The following WDFY3 variants were observed in gnomAD, a reference collection of about 807,000 sequenced individuals.
The protein encoded by WDFY3 is WD repeat and FYVE domain-containing protein 3.
A neutral mutation model predicts 409.6 loss-of-function variants in WDFY3; 66 were observed. The observed-to-expected ratio is 0.16, with a 90% CI of 0.13 to 0.20. WDFY3 has a LOEUF of 0.20. Ranked by LOEUF, WDFY3 falls within the 10% of genes least tolerant of loss-of-function variation. The pLI is 1.00. For missense variants in WDFY3, 3,031 were observed against 4,298.1 expected, an observed-to-expected ratio of 0.71 and a Z score of 8.24; for synonymous variants, 1,521 against 1,537.1, an observed-to-expected ratio of 0.99 and a Z score of 0.25.
At chr4:84,848,708 G>A (rs1003929800) in intron 5 of WDFY3, among the ~76,000 whole-genome samples, 1 of 152,132 alleles carries the variant, frequency 6.6e-6, no homozygotes, top group Non-Finnish European at 1.5e-5. Context: ...TAGGAATGGA[G>A]AACAATGGGG....
chr4:84,808,520 T>G, intron 14 of WDFY3, 103 bp from the exon 15 acceptor site: 1 of 863,288 alleles, frequency 1.2e-6, no homozygotes, highest in East Asian at 2.5e-5. Flanking sequence ...AAAAGTTTAA[T>G]AAGGAACATC....
chr4:84,901,715 A>G (rs886685460), intron 2 of WDFY3, among the ~76,000 whole-genome samples: 4 of 152,180 alleles, frequency 2.6e-5, no homozygotes, highest in Non-Finnish European at 5.9e-5. Flanking sequence ...AAAAATTTAG[A>G]GCAAATAATA....
At chr4:84,905,376 T>C (rs1766906307) in intron 2 of WDFY3, among the ~76,000 whole-genome samples, 1 of 152,026 alleles carries the variant, frequency 6.6e-6, no homozygotes, top group South Asian at 2.1e-4. Context: ...GACTTCCCTT[T>C]TCACTGACCT....
intron 1 of WDFY3, among the ~76,000 whole-genome samples, chr4:84,960,287 T>C (rs918249562): frequency 1.3e-5 from 2 of 152,174 alleles, no homozygotes; most frequent in African/African-American, 4.8e-5. Flanking sequence ...ATGAAGACAA[T>C]GCTTCCTCCT....
chr4:84,704,417 G>T lies in WDFY3; in HGVS notation c.8363C>A (p.Thr2788Asn). ...CACAATCATTGCAGATGAATAGTGGGTCCCATAGTGGTATGCAGGAGTTTC... is the reference window on the plus strand; with the variant it reads ...CACAATCATTGCAGATGAATAGTGGTTCCCATAGTGGTATGCAGGAGTTTC... ...NGETPAYHYG[T>N]HYSSAMIVAS... The change falls in exon 55 of 68, where the codon ACC becomes AAC. Residue 2788 changes from threonine to asparagine, a missense_variant. Thr to Asn is a moderately conservative substitution (Grantham distance 65). Around this residue, in one of 16 missense-constraint regions of WDFY3, gnomAD observed 129 missense variants for 305.3 expected, o/e 0.42. Transcript: ENST00000295888. 1 of 1,612,250 alleles carries T rather than the reference G, an allele frequency of 6.2e-7. No individual in the cohort carries two copies. Among genetic ancestry groups the T allele is most frequent in the Non-Finnish European group, 8.5e-7 (1 of 1,179,148 alleles).
In WDFY3 at chr4:84,809,643, A is replaced by G. The variant is rs78988124; in HGVS notation, c.2345+244T>C. ...AGGAAACTTCATAGAAACTGTTCCA[A>G]TAACTGCAATGAGAACTAATTGAAC... On this transcript the variant is annotated intron_variant, in intron 14 of 67. Coordinates refer to ENST00000295888, the MANE Select transcript of WDFY3 (RefSeq NM_014991.6). 3.3e-3 allele frequency: 1,277 copies of G among 387,254 alleles called. 13 individuals carry two copies. Among genetic ancestry groups the G allele is most frequent in the African/African-American group, 0.024 (1,149 of 47,710 alleles). The allele number at this position is 387,254 out of a possible 1,614,324, so 24.0% of individuals were successfully genotyped here.
Position 84,754,731 on chromosome 4 carries a change from CTTGTA to C in WDFY3, c.5559+530_5559+534del, listed in dbSNP as rs371934165. Among the ~76,000 whole-genome samples, 8 of 152,214 alleles carry C rather than the reference CTTGTA, an allele frequency of 5.3e-5. No homozygotes were observed. The South Asian group carries it at 1.0e-3, about 20-fold the overall frequency. Reference sequence around the variant, plus strand: ...AAAGCAAAAACAAAATCAAATGAAACTTGTATTGTTAACATTTCTGACCTCTAAAT... The same window carrying C: ...AAAGCAAAAACAAAATCAAATGAAACTTGTTAACATTTCTGACCTCTAAAT... On this transcript the variant is annotated intron_variant, in intron 34 of 67. Coordinates refer to ENST00000295888, the MANE Select transcript of WDFY3 (RefSeq NM_014991.6).
chr4:84,934,915 T>C (rs147280413), intron 1 of WDFY3, among the ~76,000 whole-genome samples: 135 of 152,252 alleles, frequency 8.9e-4, no homozygotes, highest in African/African-American at 3.1e-3. Context: ...TCCTGAACAA[T>C]ATAGTGTTCC....
chr4:84,863,509 T>C (rs1760949898), intron 3 of WDFY3, among the ~76,000 whole-genome samples: 1 of 152,184 alleles, frequency 6.6e-6, no homozygotes, highest in Non-Finnish European at 1.5e-5. Flanking sequence ...CTATTAGATA[T>C]TTGCATGTCT....
chr4:84,773,784 G>A (rs750360475), intron 29 of WDFY3, among the ~76,000 whole-genome samples: 1 of 152,230 alleles, frequency 6.6e-6, no homozygotes. Context: ...GCAGTGGTGC[G>A]ATCTTGGCTC....
intron 13 of WDFY3, among the ~76,000 whole-genome samples, chr4:84,812,708 G>A (rs1456531019): frequency 6.6e-6 from 1 of 152,064 alleles, no homozygotes; most frequent in African/African-American, 2.4e-5. Flanking sequence ...TTATGACTGA[G>A]GTTAGAAAAA....
chr4:84,947,026 C>G (rs1313649151), intron 1 of WDFY3, among the ~76,000 whole-genome samples: 1 of 151,264 alleles, frequency 6.6e-6, no homozygotes, highest in Non-Finnish European at 1.5e-5. Context: ...CCAGGATGGT[C>G]TCGATCTCCT....
chr4:84,845,109 C>G (rs1757909070), intron 5 of WDFY3, among the ~76,000 whole-genome samples: 1 of 151,968 alleles, frequency 6.6e-6, no homozygotes, highest in Admixed American at 6.6e-5. Context: ...CTCAAGTAAT[C>G]TGATAAAAAA....
At chr4:84,735,823 TA>T (rs904500742) in intron 42 of WDFY3, among the ~76,000 whole-genome samples, 2 of 152,160 alleles carry the variant, frequency 1.3e-5, no homozygotes, top group Non-Finnish European at 2.9e-5. Flanking sequence ...AACAAGATTG[TA>T]AAAATTAAAA....
At chr4:84,688,526 T>C (rs1441289588) in intron 61 of WDFY3, among the ~76,000 whole-genome samples, 1 of 152,034 alleles carries the variant, frequency 6.6e-6, no homozygotes, top group African/African-American at 2.4e-5. Flanking sequence ...TTTCCTGGAG[T>C]TGGGCCAGGA....
At chr4:84,910,593 G>A (rs1767628616) in intron 2 of WDFY3, among the ~76,000 whole-genome samples, 1 of 152,020 alleles carries the variant, frequency 6.6e-6, no homozygotes, top group South Asian at 2.1e-4. Context: ...CAAAACCAGT[G>A]CTGGGAAAAT....
chr4:84,789,920 G>T lies in WDFY3; in HGVS notation c.3488-13C>A. 1 of 1,612,918 alleles carries T rather than the reference G, an allele frequency of 6.2e-7. No individual in the cohort carries two copies. Among genetic ancestry groups the T allele is most frequent in the Non-Finnish European group, 8.5e-7 (1 of 1,179,410 alleles). On this transcript the variant is annotated splice_polypyrimidine_tract_variant and intron_variant, in intron 21 of 67. Transcript: ENST00000295888. Reference sequence around the variant, plus strand: ...CTAAAATCATCAACTGAAATAAAGGGGGGAAGACATAAAAACTTTTTCCAA... The same window carrying T: ...CTAAAATCATCAACTGAAATAAAGGTGGGAAGACATAAAAACTTTTTCCAA...
intron 3 of WDFY3, among the ~76,000 whole-genome samples, chr4:84,862,904 T>C (rs1760855575): frequency 6.6e-6 from 1 of 152,210 alleles, no homozygotes; most frequent in African/African-American, 2.4e-5. Flanking sequence ...TTCTACTCTC[T>C]ACTTCGGTGA....
chr4:84,815,861 T>C lies in WDFY3; in HGVS notation c.1887+1531A>G, dbSNP rs532773872. On this transcript the variant is annotated intron_variant, in intron 13 of 67. Transcript: ENST00000295888. ...AGAAATATCTTTTAAGGATAAAATT[T>C]AAGAGTACGCAAAAATCCTTTCACT... Among the ~76,000 whole-genome samples the C allele has an allele frequency of 3.9e-5, 6 of 152,278 alleles. 1 individual carries two copies. Among genetic ancestry groups the C allele is most frequent in the African/African-American group, 1.4e-4 (6 of 41,584 alleles).
Sources: gnomAD v4.1 joint callset for allele counts (sites outside exome capture counted in the v4.1 genomes callset) on GRCh38, gnomAD v4.1.1 for gene constraint, gnomAD v4.1.1 regional missense constraint, MANE v1.5 for transcripts, NCBI Gene and HGNC (gene_info 2026-07-23, HGNC 2026-07-21) for gene names.